ETFA: variants seen among roughly 807,000 people sequenced by gnomAD.
ETFA encodes the protein electron transfer flavoprotein subunit alpha.
ETFA carries 22 observed loss-of-function variants against 46.2 expected under a neutral mutation model. That is an observed-to-expected ratio of 0.48 (90% CI 0.34 to 0.68). ETFA has a LOEUF of 0.68. ETFA is among the 30% of genes least tolerant of loss of function. The pLI is 0.01. For missense variants in ETFA, 345 were observed against 401.1 expected, an observed-to-expected ratio of 0.86 and a Z score of 1.19; for synonymous variants, 131 against 139.9, an observed-to-expected ratio of 0.94 and a Z score of 0.45.
At chr15:76,265,276 G>C (rs1284492598) in intron 9 of ETFA, among the ~76,000 whole-genome samples, 1 of 152,200 alleles carries the variant, frequency 6.6e-6, no homozygotes, top group Admixed American at 6.5e-5. Flanking sequence ...TCATACCAGA[G>C]AGATTCAACT....
chr15:76,270,410 A>G (rs532038136), intron 9 of ETFA, among the ~76,000 whole-genome samples: 1 of 152,358 alleles, frequency 6.6e-6, no homozygotes, highest in African/African-American at 2.4e-5. Context: ...TTTTCAACAT[A>G]TACAACTGAT....
At position 76,309,445 on chromosome 15, in the gene ETFA, C is replaced by T. The variant is rs3933136; in HGVS notation, c.39+1905G>A. On this transcript the variant is annotated intron_variant, in intron 1 of 11. Coordinates refer to ENST00000557943, the MANE Select transcript of ETFA (RefSeq NM_000126.4). ...CAGCCTGGGCGACAGAGCGAGACTC[C>T]GTCTCAAAACAAACAAACAAACAAA... Among the ~76,000 whole-genome samples, 658 of 152,150 alleles carry T rather than the reference C, an allele frequency of 4.3e-3. 6 individuals carry two copies. The highest frequency in any genetic ancestry group is 5.9e-3 in the Non-Finnish European group (402 of 67,988).
chr15:76,224,382 G>C (rs1378077707), intron 11 of ETFA, among the ~76,000 whole-genome samples: 1 of 152,198 alleles, frequency 6.6e-6, no homozygotes, highest in Non-Finnish European at 1.5e-5. Context: ...CAAAATCTAA[G>C]CTCTTTGGCG....
intron 7 of ETFA, 27 bp downstream of exon 7, chr15:76,285,610 A>C: frequency 3.3e-6 from 4 of 1,201,978 alleles, no homozygotes; most frequent in Non-Finnish European, 5.0e-6. Context: ...TTCAATTTAC[A>C]TCTTTTAAGA....
At chr15:76,280,114 C>G (rs145113960) in intron 8 of ETFA, among the ~76,000 whole-genome samples, 2 of 152,222 alleles carry the variant, frequency 1.3e-5, no homozygotes, top group Admixed American at 6.5e-5. Context: ...TTCATCCAGT[C>G]TCATGGCTTT....
chr15:76,256,725 T>C (rs1441795279), intron 9 of ETFA, among the ~76,000 whole-genome samples: 3 of 152,234 alleles, frequency 2.0e-5, no homozygotes, highest in Non-Finnish European at 4.4e-5. Context: ...ACACTGCATA[T>C]ATAAGGGTGG....
chr15:76,236,910 TCA>T (rs1491125636), intron 9 of ETFA, among the ~76,000 whole-genome samples: 3 of 152,052 alleles, frequency 2.0e-5, no homozygotes, highest in South Asian at 2.1e-4. Context: ...CCTCAAAAAC[TCA>T]CAGTTCTAAA....
At chr15:76,273,582 C>CA (rs1487490764) in intron 9 of ETFA, among the ~76,000 whole-genome samples, 18 of 150,454 alleles carry the variant, frequency 1.2e-4, no homozygotes, top group African/African-American at 4.4e-4. Flanking sequence ...CAAAACAAAA[C>CA]AAAAAAAACT....
At chr15:76,225,383 G>A (rs2038993867) in intron 11 of ETFA, among the ~76,000 whole-genome samples, 1 of 152,092 alleles carries the variant, frequency 6.6e-6, no homozygotes, top group African/African-American at 2.4e-5. Context: ...CCGCCTCCTG[G>A]GTTCACACTA....
At chr15:76,271,840 T>C (rs2039535046) in intron 9 of ETFA, among the ~76,000 whole-genome samples, 1 of 152,056 alleles carries the variant, frequency 6.6e-6, no homozygotes, top group African/African-American at 2.4e-5. Flanking sequence ...TTTCAGATCC[T>C]TAACAAAATG....
intron 9 of ETFA, among the ~76,000 whole-genome samples, chr15:76,265,462 C>T (rs992902432): frequency 6.6e-6 from 1 of 152,122 alleles, no homozygotes; most frequent in African/African-American, 2.4e-5. Flanking sequence ...TGATAAAAGA[C>T]CTATTTGTAT....
At chr15:76,297,049 T>C (rs2141546142) in intron 1 of ETFA, among the ~76,000 whole-genome samples, 1 of 152,228 alleles carries the variant, frequency 6.6e-6, no homozygotes, top group Non-Finnish European at 1.5e-5. Context: ...GAACTGTGGA[T>C]CAAATGGCAT....
chr15:76,286,398 T>C lies in ETFA; in HGVS notation c.535A>G (p.Ser179Gly). 1 of 1,613,312 alleles carries C rather than the reference T, an allele frequency of 6.2e-7. No individual in the cohort carries two copies. The highest frequency in any genetic ancestry group is 1.7e-5 in the Admixed American group (1 of 60,022). ...TTTTCTGAACTGGCACTACCGCCAC[T>C]TGTTGCTGCAGCATCAAAGGATGTT... The part of the protein sequence containing the change: ...RGTSFDAAAT[S>G]GGSASSEKAS... The change falls in exon 6 of 12, where the codon AGT becomes GGT. Residue 179 changes from serine to glycine, a missense_variant. Coordinates refer to ENST00000557943, the MANE Select transcript of ETFA (RefSeq NM_000126.4).
At chr15:76,292,803 G>A in intron 2 of ETFA, 103 bp from the exon 3 acceptor site, 1 of 854,774 alleles carries the variant, frequency 1.2e-6, no homozygotes, top group Non-Finnish European at 2.0e-6. Context: ...ATGGCCAACT[G>A]TAAAAATTAT....
intron 8 of ETFA, 135 bp downstream of exon 8, chr15:76,283,622 C>A: frequency 5.7e-6 from 4 of 696,340 alleles, no homozygotes; most frequent in Non-Finnish European, 1.0e-5. Context: ...AAAACTGGTT[C>A]AGAGAGAAAA....
intron 10 of ETFA, chr15:76,227,889 T>C: frequency 2.2e-6 from 1 of 456,068 alleles, no homozygotes; most frequent in South Asian, 1.5e-5. Flanking sequence ...CATGGTATAG[T>C]CCAGGTAACT....
At chr15:76,281,291 C>T (rs551018210) in intron 8 of ETFA, among the ~76,000 whole-genome samples, 2 of 152,282 alleles carry the variant, frequency 1.3e-5, no homozygotes, top group East Asian at 3.9e-4. Context: ...AGGCATGAGC[C>T]ACCACACCCA....
chr15:76,233,619 C>T (rs184102337), intron 9 of ETFA, among the ~76,000 whole-genome samples: 209 of 152,270 alleles, frequency 1.4e-3, no homozygotes, highest in African/African-American at 4.9e-3. Flanking sequence ...TGAGCCACGG[C>T]GCCCAGCCTT....
At position 76,291,240 on chromosome 15, in the gene ETFA, C is replaced by T. The variant is rs547355342; in HGVS notation, c.351+1191G>A. On this transcript the variant is annotated intron_variant, in intron 4 of 11. Transcript: ENST00000557943. ...GGCAGATCACCTGAGGTCAGGAGTT[C>T]GAGACCAGCCTGGTCAACACGGCGA... Among the ~76,000 whole-genome samples, 4 of 151,892 alleles carry T rather than the reference C, an allele frequency of 2.6e-5. No individual in the cohort carries two copies. The South Asian group carries it at 8.3e-4, about 32-fold the overall frequency.
Sources: allele counts gnomAD v4.1 joint callset (sites outside exome capture counted in the v4.1 genomes callset), GRCh38; gene constraint gnomAD v4.1.1; transcripts MANE v1.5; gene names NCBI Gene and HGNC (gene_info 2026-07-23, HGNC 2026-07-21).